Variants in RNF6 observed in about 807,000 individuals in gnomAD.
The protein encoded by RNF6 is ring finger protein 6.
Under a neutral mutation model 50.1 loss-of-function variants are expected in RNF6, and 21 were observed. That is an observed-to-expected ratio of 0.42 (90% CI 0.30 to 0.60). RNF6 has a LOEUF of 0.60. Ranked by LOEUF, RNF6 falls within the 20% of genes least tolerant of loss-of-function variation. The pLI, the probability that RNF6 is intolerant of heterozygous loss-of-function variation, is 0.20. For synonymous variants in RNF6, 255 were observed against 291.8 expected, an observed-to-expected ratio of 0.87 and a Z score of 1.29; for missense variants, 698 against 838.2, an observed-to-expected ratio of 0.83 and a Z score of 2.07.
intron 5 of RNF6, among the ~76,000 whole-genome samples, chr13:26,157,396 G>A (rs1305751868): frequency 6.6e-6 from 1 of 151,930 alleles, no homozygotes; most frequent in Admixed American, 6.6e-5. Context: ...GGCAGTGGGT[G>A]TAATTTGACT....
chr13:26,162,785 C>G (rs1009931747), intron 5 of RNF6, among the ~76,000 whole-genome samples: 3 of 152,116 alleles, frequency 2.0e-5, no homozygotes, highest in Non-Finnish European at 4.4e-5. Flanking sequence ...AGCTAATATA[C>G]TTTTAGAATG....
At chr13:26,215,697 T>C (rs1016279379) in intron 4 of RNF6, 105 bp from the exon 5 acceptor site, 18 of 997,256 alleles carry the variant, frequency 1.8e-5, no homozygotes, top group Middle Eastern at 2.5e-4. Context: ...TTAAAGAACA[T>C]CTGTGGATTT....
At chr13:26,143,621 G>A (rs1474964356) in intron 5 of RNF6, among the ~76,000 whole-genome samples, 1 of 152,182 alleles carries the variant, frequency 6.6e-6, no homozygotes, top group Non-Finnish European at 1.5e-5. Flanking sequence ...TCCTGGCTAG[G>A]GGAGAAACAG....
At chr13:26,222,375 G>C (rs1240006231), upstream of RNF6, 1 of 152,294 alleles carries the variant, frequency 6.6e-6, no homozygotes, top group Non-Finnish European at 1.5e-5. Context: ...CTCTTGCGCC[G>C]CCCTTACAGT....
intron 5 of RNF6, among the ~76,000 whole-genome samples, chr13:26,188,454 T>C (rs1873657653): frequency 6.6e-6 from 1 of 152,234 alleles, no homozygotes; most frequent in South Asian, 2.1e-4. Context: ...ATCAAGAGTC[T>C]GGCTGAATTT....
chr13:26,145,942 G>A (rs1871216381), intron 5 of RNF6, among the ~76,000 whole-genome samples: 1 of 152,162 alleles, frequency 6.6e-6, no homozygotes, highest in Admixed American at 6.6e-5. Context: ...ACCACAGGAT[G>A]GGTTTGGAGA....
At chr13:26,159,240 G>A (rs1227339235) in intron 5 of RNF6, among the ~76,000 whole-genome samples, 1 of 152,098 alleles carries the variant, frequency 6.6e-6, no homozygotes. Flanking sequence ...ATTTTAAATA[G>A]AAATATGTCA....
At chr13:26,136,719 CA>C (rs200253230) in intron 5 of RNF6, among the ~76,000 whole-genome samples, 1,535 of 152,094 alleles carry the variant, frequency 0.01, 27 homozygotes, top group African/African-American at 0.035. Flanking sequence ...CATATACCCC[CA>C]AAAAATGACT....
At chr13:26,161,177 C>T (rs1002786204) in intron 5 of RNF6, among the ~76,000 whole-genome samples, 5 of 152,196 alleles carry the variant, frequency 3.3e-5, no homozygotes, top group Admixed American at 2.0e-4. Flanking sequence ...CTTTGTCCCA[C>T]GGACCTGTTT....
Position 26,221,987 on chromosome 13 carries a change from T to C in RNF6, c.-102+16A>G, listed in dbSNP as rs985791073. 6.6e-6 allele frequency: 1 copy of C among 152,334 alleles called. No individual in the cohort carries two copies. Among genetic ancestry groups the C allele is most frequent in the Non-Finnish European group, 1.5e-5 (1 of 68,118 alleles). The allele number at this position is 152,334 out of a possible 1,614,324, so 9.4% of individuals were successfully genotyped here. ...AGGAAGTAGTGGTGGGACCCAGATC[T>C]TTCCCTCGAGCCCACCTCTCCAGGT... On this transcript the variant is annotated intron_variant, in intron 1 of 4. Transcript: ENST00000381588.
chr13:26,141,299 A>G (rs1460126726), intron 5 of RNF6, among the ~76,000 whole-genome samples: 2 of 151,838 alleles, frequency 1.3e-5, no homozygotes, highest in South Asian at 2.1e-4. Flanking sequence ...GTGGTGGTGC[A>G]TATCTTTAAT....
At chr13:26,186,129 GC>G (rs1873509574) in intron 5 of RNF6, among the ~76,000 whole-genome samples, 1 of 152,220 alleles carries the variant, frequency 6.6e-6, no homozygotes, top group South Asian at 2.1e-4. Context: ...TCACCAAGGC[GC>G]CCATGTCAAA....
chr13:26,189,598 G>A (rs1868380025), intron 5 of RNF6, among the ~76,000 whole-genome samples: 1 of 152,158 alleles, frequency 6.6e-6, no homozygotes, highest in Non-Finnish European at 1.5e-5. Flanking sequence ...TTTTGCTTCA[G>A]GCTTCCTTTT....
rs1321583362 is a variant in RNF6 at position 26,214,554 on chromosome 13, C to T, written c.1328G>A (p.Arg443Gln). 28 of 1,613,992 alleles carry T rather than the reference C, an allele frequency of 1.7e-5. No homozygotes were observed. The highest frequency in any genetic ancestry group is 5.5e-5 in the South Asian group (5 of 91,090). Residue 443 changes from arginine to glutamine, a missense_variant, in exon 5 of 5, where the codon CGA becomes CAA. Arg to Gln is a conservative substitution (Grantham distance 43). Coordinates refer to ENST00000381588, the MANE Select transcript of RNF6 (RefSeq NM_005977.4). ...TIESNSGGFR[R>Q]TISRLERSGI... ...TGACCGCTCTAAACGAGAAATGGTT[C>T]GGCGAAAGCCCCCACTATTGCTTTC...
chr13:26,222,713 G>A (rs1870638175), upstream of RNF6: 2 of 152,258 alleles, frequency 1.3e-5, no homozygotes, highest in Non-Finnish European at 2.9e-5. Flanking sequence ...TAGAGCGATC[G>A]TAGCTCACTG....
chr13:26,165,859 C>T lies in RNF6; in HGVS notation n.769-33408G>A, dbSNP rs185772978. Among the ~76,000 whole-genome samples the T allele has an allele frequency of 7.2e-4, 110 of 152,320 alleles. 1 individual carries two copies. Among genetic ancestry groups the T allele is most frequent in the African/African-American group, 2.6e-3 (108 of 41,556 alleles). On this transcript the variant is annotated intron_variant and non_coding_transcript_variant, in intron 5 of 5. Transcript: ENST00000468480. ...TGGCTCGTAGGCAGGAGGGACTTGC[C>T]TTGTCTCAGATGAGACTTTGGACTG...
At chr13:26,195,865 C>A (rs761009046) in intron 5 of RNF6, among the ~76,000 whole-genome samples, 49 of 152,056 alleles carry the variant, frequency 3.2e-4, no homozygotes, top group Non-Finnish European at 6.6e-4. Flanking sequence ...CTCAAGATGA[C>A]CTTATTATTC....
At chr13:26,167,257 A>G (rs1872497142) in intron 5 of RNF6, among the ~76,000 whole-genome samples, 3 of 152,254 alleles carry the variant, frequency 2.0e-5, no homozygotes, top group African/African-American at 7.2e-5. Context: ...TATCTAGAGT[A>G]AATAGACAAT....
chr13:26,202,601 T>G (rs999392399), intron 5 of RNF6, among the ~76,000 whole-genome samples: 1 of 152,126 alleles, frequency 6.6e-6, no homozygotes, highest in Non-Finnish European at 1.5e-5. Context: ...TCTTATCTCT[T>G]GCTTCACAGC....
Sources: gnomAD v4.1 joint callset for allele counts (sites outside exome capture counted in the v4.1 genomes callset) on GRCh38, gnomAD v4.1.1 for gene constraint, MANE v1.5 for transcripts, NCBI Gene and HGNC (gene_info 2026-07-23, HGNC 2026-07-21) for gene names.